The following XKR9 variants were observed in gnomAD, a reference collection of about 807,000 sequenced individuals.
XKR9 encodes XK related 9, also known as XK-related protein 9.
A neutral mutation model predicts 32.0 loss-of-function variants in XKR9; 32 were observed. The observed-to-expected ratio is 1.00, with a 90% CI of 0.76 to 1.34. The LOEUF (loss-of-function observed/expected upper bound fraction) is 1.34. Among genes scored for constraint, XKR9 ranks in the 40% most tolerant of loss-of-function variants. The probability of loss-of-function intolerance (pLI) is 0.00; values close to 1 mark genes in which losing one functional copy is unlikely to be tolerated. For missense variants in XKR9, 546 were observed against 429.7 expected, an observed-to-expected ratio of 1.27 and a Z score of -2.39; for synonymous variants, 168 against 143.4, an observed-to-expected ratio of 1.17 and a Z score of -1.22.
At chr8:70,928,426 T>C in the XKR9 span, among the ~76,000 whole-genome samples, 1 of 152,292 alleles carries the variant, frequency 6.6e-6, no homozygotes, top group African/African-American at 2.4e-5. Context: ...GCACAACCCA[T>C]TTGATAAAAA....
chr8:70,671,934 CAGAG>C (rs1818729457), intron 1 of XKR9, among the ~76,000 whole-genome samples: 1 of 67,242 alleles, frequency 1.5e-5, no homozygotes, highest in South Asian at 3.9e-4. Context: ...AACAGACAAA[CAGAG>C]AGCCAAATCA....
chr8:70,850,038 G>T, the XKR9 span, among the ~76,000 whole-genome samples: 3 of 151,736 alleles, frequency 2.0e-5, no homozygotes, highest in African/African-American at 4.8e-5. Flanking sequence ...TCTACCAGAG[G>T]TACAAAGAGG....
intron 4 of XKR9, among the ~76,000 whole-genome samples, chr8:70,728,714 A>C (rs796260084): frequency 6.6e-5 from 10 of 152,196 alleles, no homozygotes; most frequent in South Asian, 6.2e-4. Context: ...TTTTTATTAA[A>C]AGCAAATCAT....
At chr8:70,696,464 G>C (rs1263582298) in intron 3 of XKR9, among the ~76,000 whole-genome samples, 13 of 150,678 alleles carry the variant, frequency 8.6e-5, no homozygotes, top group Non-Finnish European at 1.3e-4. Flanking sequence ...GCTTGTTTTT[G>C]TCAGGTTTGT....
intron 3 of XKR9, among the ~76,000 whole-genome samples, chr8:70,689,064 A>T (rs2132128759): frequency 6.6e-6 from 1 of 152,298 alleles, no homozygotes; most frequent in East Asian, 1.9e-4. Flanking sequence ...AAAGCATAAC[A>T]AAGAAAAACA....
the XKR9 span, among the ~76,000 whole-genome samples, chr8:70,896,912 T>C: frequency 6.6e-6 from 1 of 152,148 alleles, no homozygotes; most frequent in African/African-American, 2.4e-5. Context: ...TATTTAAAAA[T>C]GTACAATTAA....
the XKR9 span, among the ~76,000 whole-genome samples, chr8:70,814,578 C>G: frequency 6.6e-6 from 1 of 151,270 alleles, no homozygotes; most frequent in African/African-American, 2.4e-5. Context: ...CCTCAACAAA[C>G]TAGAAAGAAC....
chr8:70,685,094 C>T (rs1326111631), intron 3 of XKR9, among the ~76,000 whole-genome samples: 1 of 151,252 alleles, frequency 6.6e-6, no homozygotes, highest in African/African-American at 2.4e-5. Flanking sequence ...TGGAACCAAC[C>T]CAAATGTCCA....
the XKR9 span, among the ~76,000 whole-genome samples, chr8:70,974,346 A>G: frequency 6.6e-6 from 1 of 151,558 alleles, no homozygotes; most frequent in Non-Finnish European, 1.5e-5. Context: ...GCACCCATTA[A>G]CTCATCATTT....
chr8:70,841,003 G>T, the XKR9 span, among the ~76,000 whole-genome samples: 4 of 152,046 alleles, frequency 2.6e-5, no homozygotes, highest in Admixed American at 2.0e-4. Flanking sequence ...ACTAAAATAG[G>T]TATATCATTA....
the XKR9 span, among the ~76,000 whole-genome samples, chr8:70,849,531 C>T: frequency 6.6e-6 from 1 of 152,118 alleles, no homozygotes; most frequent in South Asian, 2.1e-4. Context: ...CTAAAATCGA[C>T]ACCCTAATAT....
chr8:71,036,770 T>C, the XKR9 span, among the ~76,000 whole-genome samples: 12 of 152,130 alleles, frequency 7.9e-5, 1 homozygote, highest in Non-Finnish European at 1.3e-4. Context: ...TTTCCCTGAA[T>C]ACTAGTGTAA....
At chr8:70,961,037 G>C in the XKR9 span, among the ~76,000 whole-genome samples, 1 of 152,192 alleles carries the variant, frequency 6.6e-6, no homozygotes, top group Non-Finnish European at 1.5e-5. Context: ...GGGTACGACA[G>C]TGCATGCCTG....
chr8:70,781,517 TTTA>T (rs1268575629), intron 2 of XKR9, among the ~76,000 whole-genome samples: 1 of 151,690 alleles, frequency 6.6e-6, no homozygotes, highest in Admixed American at 6.6e-5. Flanking sequence ...AACTCAAACA[TTTA>T]TTATTTTTCT....
chr8:70,748,196 C>T (rs1807084700), intron 2 of XKR9, among the ~76,000 whole-genome samples: 1 of 152,210 alleles, frequency 6.6e-6, no homozygotes, highest in Non-Finnish European at 1.5e-5. Context: ...TGGGGCTGCC[C>T]TGTTCTGCAG....
the XKR9 span, among the ~76,000 whole-genome samples, chr8:70,914,523 T>C: frequency 1.3e-5 from 2 of 152,188 alleles, no homozygotes; most frequent in Non-Finnish European, 2.9e-5. Flanking sequence ...TATCCTAAAT[T>C]ATAAAGTGCA....
chr8:71,049,865 C>T, the XKR9 span, among the ~76,000 whole-genome samples: 1 of 152,124 alleles, frequency 6.6e-6, no homozygotes, highest in Non-Finnish European at 1.5e-5. Flanking sequence ...AATATATACA[C>T]AGAGGAGAGT....
At chr8:71,008,834 G>A in the XKR9 span, among the ~76,000 whole-genome samples, 1 of 151,750 alleles carries the variant, frequency 6.6e-6, no homozygotes, top group African/African-American at 2.4e-5. Flanking sequence ...ACACCTGGCT[G>A]ATTTTTAAAT....
chr8:71,050,825 G>T, the XKR9 span, among the ~76,000 whole-genome samples: 4 of 152,236 alleles, frequency 2.6e-5, no homozygotes, highest in East Asian at 7.7e-4. Flanking sequence ...ATCATCCTTT[G>T]TGCTTTTGTG....
Sources: allele counts gnomAD v4.1 joint callset (sites outside exome capture counted in the v4.1 genomes callset), GRCh38; gene constraint gnomAD v4.1.1; transcripts MANE v1.5; gene names NCBI Gene and HGNC (gene_info 2026-07-23, HGNC 2026-07-21).